GALNT13: variants seen among roughly 807,000 people sequenced by gnomAD.
GALNT13 encodes the protein polypeptide N-acetylgalactosaminyltransferase 13, also known as UDP-GalNAc:polypeptide N-acetylgalactosaminyltransferase 13.
A neutral mutation model predicts 64.2 loss-of-function variants in GALNT13; 28 were observed. The ratio of observed to expected loss-of-function variants is 0.44; its 90% CI spans 0.32 to 0.60. GALNT13 has a LOEUF of 0.60. Ranked by LOEUF, GALNT13 falls within the 20% of genes least tolerant of loss-of-function variation. GALNT13 has a pLI of 0.05. For missense variants in GALNT13, 577 were observed against 669.8 expected (o/e 0.86, Z 1.53); for synonymous variants, 214 against 224.6 (o/e 0.95, Z 0.42).
chr2:154,401,330 T>G (rs1225862163), intron 10 of GALNT13, among the ~76,000 whole-genome samples: 1 of 152,150 alleles, frequency 6.6e-6, no homozygotes, highest in Non-Finnish European at 1.5e-5. Flanking sequence ...CAGATCTATT[T>G]ATAGATTCAC....
the GALNT13 span, among the ~76,000 whole-genome samples, chr2:153,139,543 A>T: frequency 6.6e-6 from 1 of 151,950 alleles, no homozygotes; most frequent in Non-Finnish European, 1.5e-5. Context: ...CTTAGAAGAG[A>T]TGGCATCTGA....
chr2:153,136,822 C>A, the GALNT13 span, among the ~76,000 whole-genome samples: 4 of 128,354 alleles, frequency 3.1e-5, no homozygotes, highest in Admixed American at 3.5e-4. Flanking sequence ...ATTGTTTTAC[C>A]CCTTATTTAC....
intron 3 of GALNT13, among the ~76,000 whole-genome samples, chr2:154,031,517 C>T (rs1179837171): frequency 6.6e-6 from 1 of 151,720 alleles, no homozygotes; most frequent in African/African-American, 2.4e-5. Flanking sequence ...ACAAGAAACC[C>T]ACTTAATGTG....
At chr2:153,151,398 C>T in the GALNT13 span, among the ~76,000 whole-genome samples, 12 of 152,218 alleles carry the variant, frequency 7.9e-5, no homozygotes, top group South Asian at 2.5e-3. Flanking sequence ...TAAACTAGTT[C>T]AGCCATTGTG....
the GALNT13 span, among the ~76,000 whole-genome samples, chr2:153,166,019 T>C: frequency 2.0e-5 from 3 of 152,180 alleles, no homozygotes; most frequent in East Asian, 5.8e-4. Context: ...ATATCATGTC[T>C]CTGGTAATAA....
chr2:153,607,923 A>G, the GALNT13 span, among the ~76,000 whole-genome samples: 15 of 152,246 alleles, frequency 9.9e-5, no homozygotes, highest in African/African-American at 1.4e-4. Flanking sequence ...TAGATTCCCT[A>G]AAGTTTTCTT....
intron 1 of GALNT13, among the ~76,000 whole-genome samples, chr2:153,896,159 T>G (rs962704111): frequency 7.1e-6 from 1 of 140,728 alleles, no homozygotes; most frequent in African/African-American, 2.5e-5. Flanking sequence ...AAAAACCACT[T>G]ATATTGCTAA....
the GALNT13 span, among the ~76,000 whole-genome samples, chr2:153,823,763 C>A: frequency 2.0e-5 from 3 of 152,088 alleles, no homozygotes; most frequent in African/African-American, 7.2e-5. Flanking sequence ...CAAAAATTGA[C>A]AAGTGGGATC....
intron 9 of GALNT13, among the ~76,000 whole-genome samples, chr2:154,385,451 A>G (rs1698467299): frequency 6.6e-6 from 1 of 151,970 alleles, no homozygotes; most frequent in Admixed American, 6.6e-5. Context: ...TTCATGACCC[A>G]TTCTAGTAGA....
the GALNT13 span, among the ~76,000 whole-genome samples, chr2:153,706,283 C>T: frequency 2.6e-5 from 4 of 152,156 alleles, no homozygotes; most frequent in Non-Finnish European, 5.9e-5. Context: ...ACGTGAGCTA[C>T]TGCACCCAGC....
At chr2:153,945,253 C>T (rs1691640174) in intron 3 of GALNT13, among the ~76,000 whole-genome samples, 1 of 152,076 alleles carries the variant, frequency 6.6e-6, no homozygotes, top group Non-Finnish European at 1.5e-5. Flanking sequence ...TGAATGTAAA[C>T]ATAATAATTT....
intron 7 of GALNT13, among the ~76,000 whole-genome samples, chr2:154,247,781 A>G (rs983141935): frequency 6.6e-6 from 1 of 152,088 alleles, no homozygotes; most frequent in Admixed American, 6.6e-5. Flanking sequence ...GTAACGGCAC[A>G]TCATTTTATT....
chr2:153,461,705 C>T, the GALNT13 span, among the ~76,000 whole-genome samples: 1 of 152,078 alleles, frequency 6.6e-6, no homozygotes, highest in Non-Finnish European at 1.5e-5. Context: ...AGTCATCTGA[C>T]CTGCCAAGGC....
intron 4 of GALNT13, among the ~76,000 whole-genome samples, chr2:154,240,436 A>C (rs956573165): frequency 1.4e-4 from 22 of 152,204 alleles, no homozygotes; most frequent in African/African-American, 5.1e-4. Flanking sequence ...CTTTTCGGAA[A>C]TGCAGAAACT....
At chr2:154,236,495 T>C (rs1319139636) in intron 4 of GALNT13, among the ~76,000 whole-genome samples, 1 of 152,088 alleles carries the variant, frequency 6.6e-6, no homozygotes. Context: ...GCCACAGATA[T>C]ATTATCATAG....
chr2:153,131,790 T>C, the GALNT13 span, among the ~76,000 whole-genome samples: 2 of 152,098 alleles, frequency 1.3e-5, no homozygotes, highest in East Asian at 3.9e-4. Flanking sequence ...TATGTAAGTT[T>C]TCAAGCATGT....
chr2:154,264,466 CAAAAAA>C (rs3078698), intron 8 of GALNT13, among the ~76,000 whole-genome samples: 1 of 123,478 alleles, frequency 8.1e-6, no homozygotes. Flanking sequence ...ACTAAAAATA[CAAAAAA>C]AAAAAAAAAA....
At chr2:153,118,358 C>CTTATTTTATGT in the GALNT13 span, among the ~76,000 whole-genome samples, 1 of 152,136 alleles carries the variant, frequency 6.6e-6, no homozygotes, top group Non-Finnish European at 1.5e-5. Flanking sequence ...CCAGGGCAAC[C>CTTATTTTATGT]ATCACCCCTT....
intron 8 of GALNT13, among the ~76,000 whole-genome samples, chr2:154,275,887 G>A (rs1006398944): frequency 6.6e-5 from 10 of 152,310 alleles, no homozygotes; most frequent in African/African-American, 2.4e-4. Context: ...CAAGGCCGTG[G>A]GAGCCCATCT....
Sources: allele counts gnomAD v4.1 joint callset (sites outside exome capture counted in the v4.1 genomes callset), GRCh38; gene constraint gnomAD v4.1.1; transcripts MANE v1.5; gene names NCBI Gene and HGNC (gene_info 2026-07-23, HGNC 2026-07-21).